The following L3MBTL4 variants were observed in gnomAD, a reference collection of about 807,000 sequenced individuals.
L3MBTL4 encodes the protein lethal(3)malignant brain tumor-like protein 4.
In L3MBTL4, 70 loss-of-function variants were observed where a neutral mutation model predicts 84.5. The observed-to-expected ratio is 0.83, with a 90% confidence interval of 0.68 to 1.01. L3MBTL4 has a LOEUF of 1.01. Among genes scored for constraint, L3MBTL4 ranks in the 50% least tolerant of loss-of-function variants. L3MBTL4 has a pLI of 0.00. For missense variants in L3MBTL4, 715 were observed against 754.8 expected, an observed-to-expected ratio of 0.95 and a Z score of 0.62; for synonymous variants, 274 against 259.8, an observed-to-expected ratio of 1.05 and a Z score of -0.52.
At chr18:6,075,356 G>A (rs984634111) in intron 16 of L3MBTL4, among the ~76,000 whole-genome samples, 3 of 152,066 alleles carry the variant, frequency 2.0e-5, no homozygotes, top group African/African-American at 7.2e-5. Flanking sequence ...ATAGAACGGA[G>A]TCCAGAAACA....
chr18:6,176,451 G>C (rs776090934), intron 12 of L3MBTL4, among the ~76,000 whole-genome samples: 1 of 151,942 alleles, frequency 6.6e-6, no homozygotes, highest in Non-Finnish European at 1.5e-5. Context: ...ATTGAATGAA[G>C]AAAGTACAGT....
At chr18:6,145,139 T>C (rs910477851) in intron 13 of L3MBTL4, among the ~76,000 whole-genome samples, 3 of 152,182 alleles carry the variant, frequency 2.0e-5, no homozygotes, top group African/African-American at 7.2e-5. Context: ...TTCAGACATA[T>C]TGTCATGTAA....
At chr18:6,325,310 A>G (rs897334728) in intron 1 of L3MBTL4, among the ~76,000 whole-genome samples, 4 of 152,202 alleles carry the variant, frequency 2.6e-5, no homozygotes, top group African/African-American at 9.7e-5. Flanking sequence ...GAATATAAAT[A>G]TTATCAATAA....
chr18:6,404,035 G>C (rs2055618237), intron 1 of L3MBTL4, among the ~76,000 whole-genome samples: 1 of 150,454 alleles, frequency 6.6e-6, no homozygotes, highest in Non-Finnish European at 1.5e-5. Context: ...TTCTAACTGA[G>C]AGATGAGCTA....
chr18:6,052,652 C>T (rs1428077317), intron 16 of L3MBTL4, among the ~76,000 whole-genome samples: 1 of 152,190 alleles, frequency 6.6e-6, no homozygotes, highest in Non-Finnish European at 1.5e-5. Context: ...TTACACAATT[C>T]TTATGTATTT....
At chr18:6,167,814 G>T (rs1225038234) in intron 13 of L3MBTL4, among the ~76,000 whole-genome samples, 2 of 152,146 alleles carry the variant, frequency 1.3e-5, no homozygotes, top group African/African-American at 4.8e-5. Context: ...CATAGTATTG[G>T]AAGTTCTGGC....
intron 13 of L3MBTL4, among the ~76,000 whole-genome samples, chr18:6,169,595 C>G (rs565739114): frequency 6.8e-6 from 1 of 147,870 alleles, no homozygotes; most frequent in Non-Finnish European, 1.5e-5. Flanking sequence ...AACCAAACAC[C>G]GCATGTTCTC....
intron 16 of L3MBTL4, among the ~76,000 whole-genome samples, chr18:6,014,394 C>A (rs1224091522): frequency 6.6e-6 from 1 of 152,110 alleles, no homozygotes; most frequent in African/African-American, 2.4e-5. Flanking sequence ...ACTGAGCACA[C>A]AATTATGCAA....
intron 13 of L3MBTL4, among the ~76,000 whole-genome samples, chr18:6,164,388 T>A (rs931091576): frequency 3.3e-5 from 5 of 152,206 alleles, no homozygotes; most frequent in African/African-American, 1.2e-4. Flanking sequence ...CATCCTCAAG[T>A]GGGTCCCTGA....
intron 12 of L3MBTL4, among the ~76,000 whole-genome samples, chr18:6,205,637 C>T (rs569850565): frequency 2.6e-5 from 4 of 152,312 alleles, no homozygotes; most frequent in Admixed American, 2.0e-4. Context: ...GACAACTCTC[C>T]TTCCCCTGAG....
At chr18:6,097,068 CA>C (rs1306740858) in intron 14 of L3MBTL4, among the ~76,000 whole-genome samples, 1 of 152,198 alleles carries the variant, frequency 6.6e-6, no homozygotes, top group African/African-American at 2.4e-5. Flanking sequence ...TTGACCCACA[CA>C]AAATTGCAGT....
At chr18:6,173,124 T>A (rs2044056464) in intron 12 of L3MBTL4, among the ~76,000 whole-genome samples, 2 of 152,226 alleles carry the variant, frequency 1.3e-5, no homozygotes, top group Admixed American at 1.3e-4. Context: ...ATCTGTTATA[T>A]GCTAAAGTCT....
chr18:6,200,199 G>C (rs1455478692), intron 12 of L3MBTL4, among the ~76,000 whole-genome samples: 1 of 152,234 alleles, frequency 6.6e-6, no homozygotes. Context: ...ATCACTGTGG[G>C]ACACAGTGAA....
At chr18:6,240,378 T>G (rs986792341) in intron 8 of L3MBTL4, among the ~76,000 whole-genome samples, 1 of 150,506 alleles carries the variant, frequency 6.6e-6, no homozygotes, top group African/African-American at 2.4e-5. Flanking sequence ...TTAAATAAAA[T>G]TATAATTTAA....
chr18:6,217,509 T>C (rs11874097), intron 10 of L3MBTL4, among the ~76,000 whole-genome samples: 1,910 of 152,376 alleles, frequency 0.013, 36 homozygotes, highest in African/African-American at 0.044. Context: ...TTTCACAATT[T>C]ATCTATCTAT....
chr18:6,267,744 G>A (rs1449465037), intron 4 of L3MBTL4, among the ~76,000 whole-genome samples: 1 of 152,096 alleles, frequency 6.6e-6, no homozygotes, highest in Admixed American at 6.5e-5. Flanking sequence ...ATGTACCAAA[G>A]AACCTTTTAA....
chr18:6,321,968 T>C (rs2147065615), intron 1 of L3MBTL4, among the ~76,000 whole-genome samples: 1 of 152,224 alleles, frequency 6.6e-6, no homozygotes, highest in East Asian at 1.9e-4. Flanking sequence ...ACTCAGGTAA[T>C]GGATGAACTA....
intron 14 of L3MBTL4, among the ~76,000 whole-genome samples, chr18:6,120,954 A>G (rs1216713233): frequency 6.6e-6 from 1 of 152,156 alleles, no homozygotes. Flanking sequence ...TGGTGAGCTG[A>G]CGCACGTACT....
At chr18:6,087,857 C>T (rs2143501446) in intron 15 of L3MBTL4, among the ~76,000 whole-genome samples, 1 of 152,248 alleles carries the variant, frequency 6.6e-6, no homozygotes, top group South Asian at 2.1e-4. Context: ...ATATCAATGT[C>T]TATATCTACC....
Sources: gnomAD v4.1 joint callset for allele counts (sites outside exome capture counted in the v4.1 genomes callset) on GRCh38, gnomAD v4.1.1 for gene constraint, MANE v1.5 for transcripts, NCBI Gene and HGNC (gene_info 2026-07-23, HGNC 2026-07-21) for gene names.